Variants in GPHN observed in about 807,000 individuals in gnomAD.
GPHN encodes the protein gephyrin.
Under a neutral mutation model 95.5 loss-of-function variants are expected in GPHN, and 17 were observed. The ratio of observed to expected loss-of-function variants is 0.18; its 90% CI spans 0.12 to 0.27. The LOEUF (loss-of-function observed/expected upper bound fraction) is 0.27. Among genes scored for constraint, GPHN ranks in the 10% least tolerant of loss-of-function variants. The probability of loss-of-function intolerance (pLI) is 1.00; values close to 1 mark genes in which losing one functional copy is unlikely to be tolerated. For synonymous variants in GPHN, 320 were observed against 322.5 expected (o/e 0.99, Z 0.08); for missense variants, 660 against 978.1 (o/e 0.67, Z 4.34).
chr14:66,613,844 G>A (rs1390235329), intron 1 of GPHN, among the ~76,000 whole-genome samples: 1 of 151,992 alleles, frequency 6.6e-6, no homozygotes, highest in African/African-American at 2.4e-5. Context: ...TCTAATTGTA[G>A]TTGCACCATT....
the GPHN span, chr14:67,690,509 G>A: frequency 9.6e-7 from 1 of 1,039,954 alleles, no homozygotes; most frequent in South Asian, 1.4e-5. Flanking sequence ...ATGGGAGGCA[G>A]ATAATTCAGA....
chr14:66,771,091 A>G (rs1407609547), intron 2 of GPHN, among the ~76,000 whole-genome samples: 1 of 152,142 alleles, frequency 6.6e-6, no homozygotes, highest in Non-Finnish European at 1.5e-5. Flanking sequence ...CACTGGCTCC[A>G]ATGGTCACAC....
At chr14:67,253,395 A>G in the GPHN span, among the ~76,000 whole-genome samples, 1 of 152,226 alleles carries the variant, frequency 6.6e-6, no homozygotes, top group Non-Finnish European at 1.5e-5. Flanking sequence ...GTGAAAGTCA[A>G]ATGAGAGAAA....
At chr14:67,707,494 T>A in the GPHN span, among the ~76,000 whole-genome samples, 2 of 152,156 alleles carry the variant, frequency 1.3e-5, 1 homozygote, top group South Asian at 4.1e-4. Flanking sequence ...AGTGGCGTGA[T>A]CTCAGCTCAC....
At chr14:67,224,625 A>ATTTT in the GPHN span, 1 of 270,614 alleles carries the variant, frequency 3.7e-6, no homozygotes, top group Non-Finnish European at 7.2e-6. Context: ...TAACTTTTAA[A>ATTTT]TTTTTTTTTT....
At chr14:67,329,885 T>C in the GPHN span, among the ~76,000 whole-genome samples, 3 of 148,952 alleles carry the variant, frequency 2.0e-5, no homozygotes, top group Admixed American at 6.7e-5. Context: ...TAAATAGATA[T>C]AGAAACTAAG....
rs566125487 is a variant in GPHN at position 66,842,081 on chromosome 14, C to A, written c.294+17515C>A. Among the ~76,000 whole-genome samples the A allele has an allele frequency of 1.5e-3, 226 of 149,014 alleles. 5 individuals are homozygous for A. Among genetic ancestry groups the A allele is most frequent in the Non-Finnish European group, 2.5e-3 (170 of 67,212 alleles). ...GCCCCCGCCCCAACCCCCCCAGCCC[C>A]GCCCAAAAAAAGTAGATATTAGGTA... is the stretch of plus-strand genomic sequence containing the variant. On this transcript the variant is annotated intron_variant, in intron 4 of 22. Transcript: ENST00000478722.
At chr14:67,037,924 T>A (rs1052678763) in intron 10 of GPHN, among the ~76,000 whole-genome samples, 2 of 151,978 alleles carry the variant, frequency 1.3e-5, no homozygotes, top group Non-Finnish European at 2.9e-5. Context: ...AATAGAACTT[T>A]CATATGATCT....
chr14:67,024,579 A>G (rs2073828564), intron 10 of GPHN, among the ~76,000 whole-genome samples: 1 of 152,358 alleles, frequency 6.6e-6, no homozygotes, highest in African/African-American at 2.4e-5. Flanking sequence ...CAGTGAAAGG[A>G]TACAGATTAA....
chr14:67,006,326 C>G, intron 9 of GPHN, among the ~76,000 whole-genome samples: 2 of 152,092 alleles, frequency 1.3e-5, no homozygotes, highest in South Asian at 2.1e-4. Flanking sequence ...AAAAAAGGGT[C>G]TATTTTCGAA....
chr14:66,730,143 G>C (rs993995570), intron 2 of GPHN, among the ~76,000 whole-genome samples: 3 of 152,198 alleles, frequency 2.0e-5, no homozygotes, highest in African/African-American at 7.2e-5. Context: ...GGGAGGCTGT[G>C]CAAGGAGCTA....
chr14:67,600,281 C>G, the GPHN span: 4 of 1,283,776 alleles, frequency 3.1e-6, no homozygotes, highest in Non-Finnish European at 4.1e-6. Context: ...CCGCTCCAGA[C>G]CCGCTTCCGG....
the GPHN span, among the ~76,000 whole-genome samples, chr14:67,249,087 C>T: frequency 3.3e-5 from 5 of 151,982 alleles, no homozygotes; most frequent in Non-Finnish European, 7.4e-5. Context: ...CTCAGCCTCC[C>T]GAGTAGCTGG....
chr14:66,973,750 T>C (rs2069994157), intron 9 of GPHN, among the ~76,000 whole-genome samples: 1 of 152,020 alleles, frequency 6.6e-6, no homozygotes, highest in South Asian at 2.1e-4. Flanking sequence ...AGAGCAAGAC[T>C]CTGTCTCAAA....
chr14:66,645,187 G>A (rs987512375), intron 1 of GPHN, among the ~76,000 whole-genome samples: 9 of 152,060 alleles, frequency 5.9e-5, no homozygotes, highest in Admixed American at 1.3e-4. Context: ...TATTCTGGAA[G>A]CAAGCATTAC....
chr14:67,589,979 G>C, the GPHN span: 135 of 1,437,790 alleles, frequency 9.4e-5, 1 homozygote, highest in East Asian at 1.8e-3. Context: ...ATGGTTCCTA[G>C]GACTGTGTCC....
intron 3 of GPHN, among the ~76,000 whole-genome samples, chr14:66,777,392 G>T (rs1453360897): frequency 1.3e-5 from 2 of 152,150 alleles, no homozygotes; most frequent in East Asian, 3.8e-4. Flanking sequence ...TCTACCTGAG[G>T]TACAAGGAGG....
the GPHN span, among the ~76,000 whole-genome samples, chr14:67,654,050 C>T: frequency 1.3e-5 from 2 of 152,196 alleles, no homozygotes; most frequent in African/African-American, 4.8e-5. Flanking sequence ...CAGATGGCTA[C>T]TTGCCATCTG....
chr14:67,092,316 T>G (rs1481856388), intron 12 of GPHN, among the ~76,000 whole-genome samples: 1 of 152,102 alleles, frequency 6.6e-6, no homozygotes, highest in Non-Finnish European at 1.5e-5. Context: ...AGAATATCCT[T>G]GAGGCCAATT....
Sources: gnomAD v4.1 joint callset for allele counts (sites outside exome capture counted in the v4.1 genomes callset) on GRCh38, gnomAD v4.1.1 for gene constraint, MANE v1.5 for transcripts, NCBI Gene and HGNC (gene_info 2026-07-23, HGNC 2026-07-21) for gene names.